Variants in ARPC5 observed in about 807,000 individuals in gnomAD.
ARPC5 encodes the protein actin related protein 2/3 complex subunit 5.
Under a neutral mutation model 15.4 loss-of-function variants are expected in ARPC5, and 5 were observed. The ratio of observed to expected loss-of-function variants is 0.32; its 90% CI spans 0.17 to 0.68. The LOEUF is 0.68. Ranked by LOEUF, ARPC5 falls within the 30% of genes least tolerant of loss-of-function variation. The probability of loss-of-function intolerance (pLI) is 0.71; values close to 1 mark genes in which losing one functional copy is unlikely to be tolerated. For missense variants in ARPC5, 138 were observed against 192.8 expected, an observed-to-expected ratio of 0.72 and a Z score of 1.68; for synonymous variants, 85 against 72.2, an observed-to-expected ratio of 1.18 and a Z score of -0.90.
chr1:183,629,483 A>G (rs1649203976), intron 3 of ARPC5, among the ~76,000 whole-genome samples: 1 of 149,976 alleles, frequency 6.7e-6, no homozygotes, highest in Non-Finnish European at 1.5e-5. Flanking sequence ...CTATTGTTTT[A>G]CTATGTGCTT....
chr1:183,634,022 G>A (rs916486024), intron 1 of ARPC5: 1 of 152,228 alleles, frequency 6.6e-6, no homozygotes, highest in African/African-American at 2.4e-5. Context: ...TGATCAAAAA[G>A]CAGATCCACT....
rs1450705560 is a variant in ARPC5, at chr1:183,625,541, C to T, written c.*1991G>A. ...AATTGGTTATGCTATACCTACTTGA[C>T]TACCTCTAATACCTATTGGCTAAGG... On this transcript the variant is annotated 3_prime_UTR_variant, in exon 4 of 4. Transcript: ENST00000359856. The T allele has an allele frequency of 1.3e-5, 2 of 152,200 alleles. No individual in the cohort carries two copies. Among genetic ancestry groups the T allele is most frequent in the Non-Finnish European group, 2.9e-5 (2 of 68,030 alleles). The allele number at this position is 152,200 out of a possible 1,614,324, so 9.4% of individuals were successfully genotyped here.
chr1:183,635,470 CGGGCT>C, intron 1 of ARPC5, 42 bp downstream of exon 1: 4 of 836,744 alleles, frequency 4.8e-6, no homozygotes, highest in Admixed American at 2.4e-5. Flanking sequence ...AGGAGAAGGG[CGGGCT>C]GGGCTGGGCT....
chr1:183,635,397 G>A, intron 1 of ARPC5, 120 bp downstream of exon 1: 3 of 1,214,412 alleles, frequency 2.5e-6, no homozygotes, highest in South Asian at 3.2e-5. Context: ...GACAGGTTAA[G>A]CCGCAGGTTG....
In ARPC5 at chr1:183,634,581, C is replaced by T. The variant is rs908933774; in HGVS notation, c.143+936G>A. Among the ~76,000 whole-genome samples, 5 of 152,060 alleles carry T rather than the reference C, an allele frequency of 3.3e-5. No individual in the cohort carries two copies. The East Asian group carries it at 9.6e-4, about 29-fold the overall frequency. On this transcript the variant is annotated intron_variant, in intron 1 of 3. Coordinates refer to ENST00000359856, the MANE Select transcript of ARPC5 (RefSeq NM_005717.4). ...TTCTAAAAAAGATGTAATGCAAATGCGAAGCCAAAGTTATGAATATTCAAA... is the reference window on the plus strand; with the variant it reads ...TTCTAAAAAAGATGTAATGCAAATGTGAAGCCAAAGTTATGAATATTCAAA...
chr1:183,628,270 A>C (rs1373350870), intron 3 of ARPC5, among the ~76,000 whole-genome samples: 1 of 151,812 alleles, frequency 6.6e-6, no homozygotes, highest in Non-Finnish European at 1.5e-5. Context: ...CCACATAGTC[A>C]GAAGAAAATT....
chr1:183,629,623 G>A (rs2101955697), intron 3 of ARPC5, among the ~76,000 whole-genome samples: 1 of 152,246 alleles, frequency 6.6e-6, no homozygotes, highest in East Asian at 1.9e-4. Context: ...GACAGATGAT[G>A]TACCAGCATC....
intron 3 of ARPC5, 54 bp downstream of exon 3, chr1:183,630,407 G>T (rs1158198440): frequency 1.4e-6 from 2 of 1,392,988 alleles, no homozygotes; most frequent in Non-Finnish European, 1.9e-6. Flanking sequence ...GGTTGTCATT[G>T]TCATTCCCTA....
In ARPC5 at chr1:183,623,066, T is replaced by C. The variant is rs1558119315; in HGVS notation, c.*4466A>G. ...GTGGGGATGAGTAAGAGCCAGCTAC[T>C]ATGACTTCAGGGGGCCCATACAGTC... is the stretch of plus-strand genomic sequence containing the variant. On this transcript the variant is annotated 3_prime_UTR_variant, in exon 4 of 4. Transcript: ENST00000359856. 3 of 199,188 alleles carry C rather than the reference T, an allele frequency of 1.5e-5. No homozygotes were observed. The highest frequency in any genetic ancestry group is 3.1e-5 in the Non-Finnish European group (3 of 96,374). 12.3% of individuals were successfully genotyped at this position (199,188 alleles called of 1,614,324 possible).
intron 1 of ARPC5, among the ~76,000 whole-genome samples, chr1:183,634,914 CT>C (rs76444004): frequency 0.31 from 38,565 of 125,692 alleles, 5,899 homozygotes; most frequent in Middle Eastern, 0.4. Flanking sequence ...TCTTCTTCTT[CT>C]TTTTTTTTTT....
At position 183,622,473 on chromosome 1, in the gene ARPC5, T is replaced by C. The variant is rs1648966408; in HGVS notation, c.*5059A>G. 1 of 152,224 alleles carries C rather than the reference T, an allele frequency of 6.6e-6. No homozygotes were observed. Among genetic ancestry groups the C allele is most frequent in the South Asian group, 2.1e-4 (1 of 4,834 alleles). 9.4% of individuals were successfully genotyped at this position (152,224 alleles called of 1,614,324 possible). Reference sequence around the variant, plus strand: ...TATTCAGAGGCATTGGCCATTTAAGTTATTCATTACCCTAAGGGTTGACAG... The same window carrying C: ...TATTCAGAGGCATTGGCCATTTAAGCTATTCATTACCCTAAGGGTTGACAG... On this transcript the variant is annotated 3_prime_UTR_variant, in exon 4 of 4. Transcript: ENST00000359856.
chr1:183,631,363 T>A (rs931100202), intron 2 of ARPC5: 1 of 151,824 alleles, frequency 6.6e-6, no homozygotes, highest in Non-Finnish European at 1.5e-5. Flanking sequence ...GCAGATCACC[T>A]GAGGTCAGGA....
chr1:183,626,170 T>A lies in ARPC5; in HGVS notation c.*1362A>T, dbSNP rs1234297232. The A allele has an allele frequency of 6.6e-6, 1 of 152,280 alleles. No homozygotes were observed. Among genetic ancestry groups the A allele is most frequent in the Non-Finnish European group, 1.5e-5 (1 of 68,058 alleles). The allele number at this position is 152,280 out of a possible 1,614,324, so 9.4% of individuals were successfully genotyped here. Reference sequence around the variant, plus strand: ...TTCCTCTTAATTAACCATACATTCATAATTGTTAAAGTCAGAGAAAAATAA... The same window carrying A: ...TTCCTCTTAATTAACCATACATTCAAAATTGTTAAAGTCAGAGAAAAATAA... On this transcript the variant is annotated 3_prime_UTR_variant, in exon 4 of 4. Coordinates refer to ENST00000359856, the MANE Select transcript of ARPC5 (RefSeq NM_005717.4).
rs1364987678 is a variant in ARPC5, at chr1:183,626,414, T to C, written c.*1118A>G. 2.6e-5 allele frequency: 4 copies of C among 152,348 alleles called. No individual in the cohort carries two copies. Among genetic ancestry groups the C allele is most frequent in the African/African-American group, 7.2e-5 (3 of 41,462 alleles). The allele number at this position is 152,348 out of a possible 1,614,324, so 9.4% of individuals were successfully genotyped here. A position where few individuals can be genotyped will look rare whatever the true frequency, so the allele number is the denominator to read the frequency against. On this transcript the variant is annotated 3_prime_UTR_variant, in exon 4 of 4. Transcript: ENST00000359856. ...GGTGGTTTGTTTTAGAGCTACTCGA[T>C]ATTTATAACTTTTTATAAGCACCGG...
intron 1 of ARPC5, 94 bp downstream of exon 1, chr1:183,635,423 G>A (rs1414701634): frequency 1.4e-6 from 2 of 1,419,090 alleles, no homozygotes; most frequent in Non-Finnish European, 1.9e-6. Flanking sequence ...GCAGCTCCGC[G>A]CCGGTGCCCC....
At chr1:183,634,720 C>A (rs2101959780) in intron 1 of ARPC5, among the ~76,000 whole-genome samples, 1 of 152,252 alleles carries the variant, frequency 6.6e-6, no homozygotes, top group South Asian at 2.1e-4. Context: ...CTATCTTATT[C>A]ATTGGGGTTT....
intron 3 of ARPC5, among the ~76,000 whole-genome samples, 192 bp from the exon 4 acceptor site, chr1:183,627,786 C>T (rs75012526): frequency 0.079 from 12,018 of 152,172 alleles, 920 homozygotes; most frequent in African/African-American, 0.2. Flanking sequence ...CAGTAATAAA[C>T]AAAACCTTGA....
At chr1:183,635,265 G>A (rs1649434217) in intron 1 of ARPC5, among the ~76,000 whole-genome samples, 1 of 152,248 alleles carries the variant, frequency 6.6e-6, no homozygotes, top group South Asian at 2.1e-4. Context: ...TGAGGAATCT[G>A]GGGGCGTGGA....
At chr1:183,631,639 A>C (rs1402586889) in intron 2 of ARPC5, 9 of 151,878 alleles carry the variant, frequency 5.9e-5, no homozygotes, top group African/African-American at 2.2e-4. Context: ...TTGCAGTTTC[A>C]CCTTGAATTA....
Sources: gnomAD v4.1 joint callset for allele counts (sites outside exome capture counted in the v4.1 genomes callset) on GRCh38, gnomAD v4.1.1 for gene constraint, MANE v1.5 for transcripts, NCBI Gene and HGNC (gene_info 2026-07-23, HGNC 2026-07-21) for gene names.